Variants in BCR observed in about 807,000 individuals in gnomAD.
The protein encoded by BCR is breakpoint cluster region protein.
BCR carries 58 observed loss-of-function variants against 138.6 expected under a neutral mutation model. The ratio of observed to expected loss-of-function variants is 0.42; its 90% CI spans 0.34 to 0.52. The LOEUF (loss-of-function observed/expected upper bound fraction) is 0.52, where lower values mean the gene tolerates loss of function less well. Among genes scored for constraint, BCR ranks in the 20% least tolerant of loss-of-function variants. The probability of loss-of-function intolerance (pLI) is 0.06; values close to 1 mark genes in which losing one functional copy is unlikely to be tolerated. For synonymous variants in BCR, 786 were observed against 730.1 expected (o/e 1.08, Z -1.23); for missense variants, 1,599 against 1,727.2 (o/e 0.93, Z 1.32).
At chr22:23,202,675 G>A (rs991183064) in intron 1 of BCR, among the ~76,000 whole-genome samples, 2 of 151,624 alleles carry the variant, frequency 1.3e-5, no homozygotes, top group Admixed American at 1.3e-4. Context: ...GTTTTACTGT[G>A]TTTCAGAACC....
At chr22:23,205,470 C>T (rs2072601280) in intron 1 of BCR, among the ~76,000 whole-genome samples, 1 of 152,128 alleles carries the variant, frequency 6.6e-6, no homozygotes, top group Admixed American at 6.5e-5. Context: ...GAACTTTGCA[C>T]TTGGGTTTGG....
chr22:23,182,274 G>A, intron 1 of BCR, 35 bp downstream of exon 1: 1 of 1,498,600 alleles, frequency 6.7e-7, no homozygotes, highest in Non-Finnish European at 8.9e-7. Context: ...GGGCACACCT[G>A]CACGGGGGAG....
At position 23,268,445 on chromosome 22, in the gene BCR, A is replaced by G; in HGVS notation, c.1790A>G (p.Asn597Ser). ...QLGVYRAFVD[N>S]YGVAMEMAEK... ...GGTGTGTACCGGGCCTTCGTGGACA[A>G]CTACGGAGTTGCCATGGAAATGGCT... Residue 597 changes from asparagine to serine, a missense_variant, in exon 5 of 23, where the codon AAC becomes AGC. Physicochemically the swap from Asn to Ser is conservative, Grantham distance 46 (BLOSUM62 1). This residue lies in a region of BCR where 590 missense variants were observed against 762.4 expected (regional missense o/e 0.77). Coordinates refer to ENST00000305877, the MANE Select transcript of BCR (RefSeq NM_004327.4). 1 of 1,613,886 alleles carries G rather than the reference A, an allele frequency of 6.2e-7. No homozygotes were observed. Among genetic ancestry groups the G allele is most frequent in the Non-Finnish European group, 8.5e-7 (1 of 1,179,892 alleles).
At chr22:23,286,360 G>A (rs896408106) in intron 10 of BCR, among the ~76,000 whole-genome samples, 1 of 152,216 alleles carries the variant, frequency 6.6e-6, no homozygotes, top group Non-Finnish European at 1.5e-5. Flanking sequence ...GGACGCAGCA[G>A]GACAGGAGGT....
At chr22:23,239,217 G>A (rs551786395) in intron 1 of BCR, among the ~76,000 whole-genome samples, 1 of 152,174 alleles carries the variant, frequency 6.6e-6, no homozygotes, top group African/African-American at 2.4e-5. Context: ...AGGAAGGAGC[G>A]CAGCTTCAGG....
intron 1 of BCR, among the ~76,000 whole-genome samples, chr22:23,197,087 A>G (rs1428787472): frequency 6.6e-6 from 1 of 152,252 alleles, no homozygotes; most frequent in Non-Finnish European, 1.5e-5. Context: ...ACATAACGAC[A>G]TTTTGGTTAT....
intron 1 of BCR, among the ~76,000 whole-genome samples, chr22:23,182,638 G>C (rs879620002): frequency 2.6e-5 from 4 of 152,334 alleles, no homozygotes; most frequent in Non-Finnish European, 5.9e-5. Context: ...GCCCACATCG[G>C]ATGCTGTTAG....
intron 1 of BCR, among the ~76,000 whole-genome samples, chr22:23,234,412 C>T (rs911652059): frequency 1.3e-5 from 2 of 152,136 alleles, no homozygotes; most frequent in Non-Finnish European, 2.9e-5. Flanking sequence ...TGATCAGTGG[C>T]CTGAGGAGGG....
chr22:23,276,438 C>G (rs1400571408), intron 8 of BCR, among the ~76,000 whole-genome samples: 1 of 150,928 alleles, frequency 6.6e-6, no homozygotes, highest in African/African-American at 2.4e-5. Flanking sequence ...GGTTGCTTCA[C>G]AAAGGCAGGG....
intron 1 of BCR, among the ~76,000 whole-genome samples, chr22:23,187,806 G>C (rs1186397703): frequency 1.3e-5 from 2 of 152,156 alleles, no homozygotes; most frequent in East Asian, 3.8e-4. Flanking sequence ...AGGAATTCTT[G>C]ATTCAAACAC....
chr22:23,262,722 AGGGCG>A, intron 4 of BCR: 4 of 485,226 alleles, frequency 8.2e-6, no homozygotes, highest in Non-Finnish European at 1.0e-5. Context: ...GGCCCGGGTG[AGGGCG>A]GGGGCGGAGA....
rs56081881 is a variant in BCR, at chr22:23,314,711, C to T, written c.3723C>T (p.Ser1241=). 53 of 1,611,758 alleles carry T rather than the reference C, an allele frequency of 3.3e-5. No homozygotes were observed. The highest frequency in any genetic ancestry group is 6.7e-5 in the African/African-American group (5 of 74,842). ...MTDSWSLEVM[S]QVQVLLYFLQ... is the part of the protein sequence containing the mutation. ...ACAGCTGGTCCTTGGAGGTCATGTC[C>T]CAGGTATGGGAAGACAGGCTCCAGC... The change falls in exon 22 of 23, where the codon TCC becomes TCT. Residue 1241 remains serine (S), a synonymous_variant. Coordinates refer to ENST00000305877, the MANE Select transcript of BCR (RefSeq NM_004327.4).
intron 16 of BCR, among the ~76,000 whole-genome samples, chr22:23,295,853 T>C (rs1478466797): frequency 1.3e-5 from 2 of 152,106 alleles, no homozygotes; most frequent in African/African-American, 4.8e-5. Flanking sequence ...GTTCCCACCC[T>C]CACAATTGCG....
chr22:23,313,539 G>A (rs1274108240), intron 20 of BCR, among the ~76,000 whole-genome samples: 1 of 152,216 alleles, frequency 6.6e-6, no homozygotes, highest in African/African-American at 2.4e-5. Context: ...GTGGTGTCCA[G>A]GACGACGAGG....
At chr22:23,198,033 C>T (rs1473799756) in intron 1 of BCR, among the ~76,000 whole-genome samples, 1 of 152,064 alleles carries the variant, frequency 6.6e-6, no homozygotes, top group East Asian at 1.9e-4. Flanking sequence ...GGAGCAGGCC[C>T]TTGGGCCTTG....
rs767622070 is a variant in BCR, at chr22:23,253,951, G to C, written c.1432G>C (p.Val478Leu). 6.2e-7 allele frequency: 1 copy of C among 1,612,886 alleles called. No individual in the cohort carries two copies. Among genetic ancestry groups the C allele is most frequent in the South Asian group, 1.1e-5 (1 of 91,064 alleles). ...SKGRGSRDAL[V>L]SGALESTKAS... ...GGGCAGGGGCAGCCGGGATGCGCTG[G>C]TCTCGGGAGCCCTGGAGTCCACTAA... The change falls in exon 2 of 23, where the codon GTC becomes CTC. Residue 478 changes from valine (V) to leucine (L), a missense_variant. By Grantham distance (32) the Val-to-Leu change is conservative. This residue lies in a region of BCR where 590 missense variants were observed against 762.4 expected (regional missense o/e 0.77). Transcript: ENST00000305877.
In BCR at chr22:23,313,860, C is replaced by G. The variant is rs536236898; in HGVS notation, c.3458-108C>G. The G allele has an allele frequency of 6.4e-5, 58 of 903,402 alleles. No homozygotes were observed. The African/African-American group carries it at 8.6e-4, about 13-fold the overall frequency. 56.0% of individuals were successfully genotyped at this position (903,402 alleles called of 1,614,324 possible). ...AGAGCTGTGAGACTGAGGATGATGA[C>G]GAGCCTGGGCTGTGCAGGGACACAA... On this transcript the variant is annotated intron_variant, in intron 20 of 22. Transcript: ENST00000305877.
At chr22:23,184,719 T>C (rs184756959) in intron 1 of BCR, among the ~76,000 whole-genome samples, 1 of 152,290 alleles carries the variant, frequency 6.6e-6, no homozygotes. Context: ...TGTTATGTTT[T>C]AAAACTCCTG....
At position 23,208,427 on chromosome 22, in the gene BCR, A is replaced by T. The variant is rs1602015863; in HGVS notation, c.1279+26188A>T. Among the ~76,000 whole-genome samples, 3 of 142,410 alleles carry T rather than the reference A, an allele frequency of 2.1e-5. No homozygotes were observed. In the South Asian group the frequency reaches 6.8e-4, roughly 32 times the overall value. 93.4% of individuals were successfully genotyped at this position (142,410 alleles called of 152,430 possible). A position where few individuals can be genotyped will look rare whatever the true frequency, so the allele number is the denominator to read the frequency against. ...TCATTTGATTTTATGTTTTTTTTTT[A>T]ATCAAGGTAAAATACATGTAACATT... On this transcript the variant is annotated intron_variant, in intron 1 of 22. Transcript: ENST00000305877.
Sources: allele counts gnomAD v4.1 joint callset (sites outside exome capture counted in the v4.1 genomes callset), GRCh38; gene constraint gnomAD v4.1.1; regional missense constraint gnomAD v4.1.1; transcripts MANE v1.5; gene names NCBI Gene and HGNC (gene_info 2026-07-23, HGNC 2026-07-21).